Variants in BAZ2B observed in about 807,000 individuals in gnomAD.
BAZ2B encodes the protein bromodomain adjacent to zinc finger domain protein 2B.
Under a neutral mutation model 246.0 loss-of-function variants are expected in BAZ2B, and 91 were observed. The observed-to-expected ratio is 0.37, with a 90% confidence interval of 0.31 to 0.44. BAZ2B has a LOEUF of 0.44. BAZ2B is among the 20% of genes least tolerant of loss of function. The pLI, the probability that BAZ2B is intolerant of heterozygous loss-of-function variation, is 1.00. For missense variants in BAZ2B, 2,332 were observed against 2,533.7 expected, an observed-to-expected ratio of 0.92 and a Z score of 1.71; for synonymous variants, 855 against 860.0, an observed-to-expected ratio of 0.99 and a Z score of 0.10.
intron 2 of BAZ2B, among the ~76,000 whole-genome samples, chr2:159,496,783 C>CAAA (rs10713062): frequency 3.1e-4 from 20 of 64,206 alleles, no homozygotes; most frequent in South Asian, 8.3e-4. Context: ...AACTCCGTCT[C>CAAA]AAAAAAAAAA....
the BAZ2B span, among the ~76,000 whole-genome samples, chr2:159,683,471 C>T: frequency 6.6e-6 from 1 of 152,176 alleles, no homozygotes; most frequent in Admixed American, 6.5e-5. Context: ...ACCACCACAA[C>T]CAAAATATAG....
At chr2:159,707,857 G>A in the BAZ2B span, among the ~76,000 whole-genome samples, 1 of 151,936 alleles carries the variant, frequency 6.6e-6, no homozygotes, top group East Asian at 1.9e-4. Context: ...CGGGAGTGGT[G>A]GCAGGCACCT....
At chr2:159,437,964 A>C (rs1171165974) in intron 8 of BAZ2B, 1 of 172,888 alleles carries the variant, frequency 5.8e-6, no homozygotes, top group African/African-American at 2.4e-5. Flanking sequence ...AAAGGACATT[A>C]ATTTTAAACC....
chr2:159,680,763 T>C, the BAZ2B span, among the ~76,000 whole-genome samples: 1 of 152,154 alleles, frequency 6.6e-6, no homozygotes, highest in African/African-American at 2.4e-5. Flanking sequence ...TCCTTTGCAG[T>C]AGGGGCTGTT....
chr2:159,340,184 C>T (rs1251235265), intron 31 of BAZ2B, among the ~76,000 whole-genome samples: 1 of 150,782 alleles, frequency 6.6e-6, no homozygotes, highest in Non-Finnish European at 1.5e-5. Context: ...TTTCTGAAGA[C>T]AGGTCGTTTG....
chr2:159,496,045 A>T (rs1202774513), intron 2 of BAZ2B, among the ~76,000 whole-genome samples: 1 of 150,558 alleles, frequency 6.6e-6, no homozygotes, highest in African/African-American at 2.4e-5. Context: ...CTGGGATTAC[A>T]GGCATGAGCC....
At chr2:159,493,576 T>A (rs551264375) in intron 2 of BAZ2B, among the ~76,000 whole-genome samples, 1 of 152,232 alleles carries the variant, frequency 6.6e-6, no homozygotes, top group Non-Finnish European at 1.5e-5. Flanking sequence ...CATGTTACCA[T>A]GTTTTCTTCA....
In BAZ2B at chr2:159,578,203, G is replaced by A. The variant is rs555671091; in HGVS notation, c.-45-22338C>T. On this transcript the variant is annotated intron_variant, in intron 1 of 36. Transcript: ENST00000392783. Reference sequence around the variant, plus strand: ...CACTGAACAACAGAGTCAAGAAACAGACTGTGGTTTCAATTTTCTACTAAC... The same window carrying A: ...CACTGAACAACAGAGTCAAGAAACAAACTGTGGTTTCAATTTTCTACTAAC... 2.0e-5 allele frequency among the ~76,000 whole-genome samples: 3 copies of A among 152,186 alleles called. No homozygotes were observed. In the South Asian group the frequency reaches 6.2e-4, roughly 32 times the overall value.
chr2:159,642,245 T>TC, the BAZ2B span, among the ~76,000 whole-genome samples: 1 of 149,842 alleles, frequency 6.7e-6, no homozygotes, highest in African/African-American at 2.4e-5. Flanking sequence ...TTTCTTTTTT[T>TC]TTTTTTTTTT....
chr2:159,487,250 A>G (rs2079942761), intron 2 of BAZ2B, among the ~76,000 whole-genome samples: 1 of 152,178 alleles, frequency 6.6e-6, no homozygotes, highest in Non-Finnish European at 1.5e-5. Flanking sequence ...TACTCCCAGT[A>G]ACCTTGAAAT....
At chr2:159,564,706 T>G (rs2090193960) in intron 1 of BAZ2B, among the ~76,000 whole-genome samples, 1 of 152,154 alleles carries the variant, frequency 6.6e-6, no homozygotes, top group African/African-American at 2.4e-5. Context: ...GGAATAGGAT[T>G]GCTGGTGGTG....
chr2:159,483,159 C>A (rs914008222), intron 2 of BAZ2B, among the ~76,000 whole-genome samples: 4 of 152,094 alleles, frequency 2.6e-5, no homozygotes, highest in African/African-American at 9.7e-5. Flanking sequence ...CATCTTTTAA[C>A]TTAAGGCCAT....
At chr2:159,583,241 A>G (rs1342420853) in intron 1 of BAZ2B, among the ~76,000 whole-genome samples, 1 of 151,856 alleles carries the variant, frequency 6.6e-6, no homozygotes, top group East Asian at 1.9e-4. Flanking sequence ...AAGCCTCCCA[A>G]GTAGCTGGGA....
At chr2:159,323,150 A>T (rs2062938240) in intron 36 of BAZ2B, among the ~76,000 whole-genome samples, 1 of 151,206 alleles carries the variant, frequency 6.6e-6, no homozygotes, top group African/African-American at 2.5e-5. Context: ...ATGCCCAGCT[A>T]ATTTTTGTAC....
intron 21 of BAZ2B, 113 bp from the exon 22 acceptor site, chr2:159,386,720 G>A: frequency 8.1e-7 from 1 of 1,227,914 alleles, no homozygotes; most frequent in Non-Finnish European, 1.1e-6. Flanking sequence ...CTCTTGTATT[G>A]TACCAGTAGC....
chr2:159,599,497 G>C (rs1044003398), intron 1 of BAZ2B, among the ~76,000 whole-genome samples: 8 of 151,900 alleles, frequency 5.3e-5, no homozygotes, highest in African/African-American at 1.9e-4. Context: ...GCATGCCTGT[G>C]ATCCCAGCTA....
chr2:159,682,916 C>CCA, the BAZ2B span, among the ~76,000 whole-genome samples: 2 of 148,628 alleles, frequency 1.3e-5, no homozygotes, highest in East Asian at 4.3e-4. Flanking sequence ...CCCTCCCCCC[C>CCA]CCCACACACA....
the BAZ2B span, among the ~76,000 whole-genome samples, chr2:159,692,950 A>G: frequency 3.3e-5 from 5 of 152,162 alleles, no homozygotes; most frequent in Non-Finnish European, 7.4e-5. Context: ...CTAGGACTAC[A>G]GGTACGTGCC....
chr2:159,430,279 T>C (rs1559383988), intron 10 of BAZ2B, among the ~76,000 whole-genome samples: 1 of 152,192 alleles, frequency 6.6e-6, no homozygotes, highest in African/African-American at 2.4e-5. Context: ...AAGATGAGAA[T>C]GAAGATCTTT....
Sources: gnomAD v4.1 joint callset for allele counts (sites outside exome capture counted in the v4.1 genomes callset) on GRCh38, gnomAD v4.1.1 for gene constraint, MANE v1.5 for transcripts, NCBI Gene and HGNC (gene_info 2026-07-23, HGNC 2026-07-21) for gene names.